USP24: variants seen among roughly 807,000 people sequenced by gnomAD.
USP24 encodes ubiquitin carboxyl-terminal hydrolase 24.
A neutral mutation model predicts 361.6 loss-of-function variants in USP24; 97 were observed. The ratio of observed to expected loss-of-function variants is 0.27; its 90% CI spans 0.23 to 0.32. The LOEUF is 0.32. Among genes scored for constraint, USP24 ranks in the 10% least tolerant of loss-of-function variants. The pLI, the probability that USP24 is intolerant of heterozygous loss-of-function variation, is 1.00. For synonymous variants in USP24, 1,098 were observed against 1,124.6 expected (o/e 0.98, Z 0.47); for missense variants, 2,353 against 3,165.6 (o/e 0.74, Z 6.16).
At chr1:55,110,141 C>T in intron 39 of USP24, 44 bp downstream of exon 39, 1 of 1,458,912 alleles carries the variant, frequency 6.9e-7, no homozygotes, top group Non-Finnish European at 9.3e-7. Flanking sequence ...TTCTCTTCTA[C>T]TCTTCCCCAG....
At chr1:55,201,600 C>CAAAA (rs56659823) in intron 1 of USP24, among the ~76,000 whole-genome samples, 9 of 35,460 alleles carry the variant, frequency 2.5e-4, no homozygotes, top group African/African-American at 4.9e-4. Context: ...GACTCCATCT[C>CAAAA]AAAAAAAAAA....
chr1:55,104,855 A>T (rs1283728102), intron 41 of USP24, among the ~76,000 whole-genome samples: 1 of 152,224 alleles, frequency 6.6e-6, no homozygotes, highest in Non-Finnish European at 1.5e-5. Context: ...CAGTAAGAAA[A>T]GAATAGGGAG....
intron 42 of USP24, 32 bp from the exon 43 acceptor site, chr1:55,101,735 A>C: frequency 6.4e-7 from 1 of 1,563,208 alleles, no homozygotes; most frequent in Non-Finnish European, 8.6e-7. Flanking sequence ...ACAGCAGAGG[A>C]GAAGAATGAG....
At chr1:55,209,636 T>TAA (rs1174466498) in intron 1 of USP24, among the ~76,000 whole-genome samples, 2 of 152,240 alleles carry the variant, frequency 1.3e-5, no homozygotes, top group Admixed American at 6.5e-5. Flanking sequence ...TATTTTTTGT[T>TAA]AAGTTTAAAC....
chr1:55,116,885 G>T (rs10157250), intron 38 of USP24, among the ~76,000 whole-genome samples: 7,214 of 152,056 alleles, frequency 0.047, 466 homozygotes, highest in African/African-American at 0.14. Context: ...GCCAGAAAAA[G>T]ACACCACAAG....
chr1:55,154,707 T>C lies in USP24; in HGVS notation c.1518A>G (p.Ser506=). The C allele has an allele frequency of 6.2e-7, 1 of 1,613,466 alleles. No homozygotes were observed. Residue 506 remains serine (S), a synonymous_variant, in exon 13 of 68, where the codon TCA becomes TCG. Transcript: ENST00000294383. The part of the protein sequence containing the change: ...IIAAAAVKFN[S]DQLNHLFVLI... The stretch of plus-strand genomic sequence containing the variant: ...GAACAAACAAATGATTAAGCTGATC[T>C]GAATTAAATTTCACAGCCGCTGCAG...
At chr1:55,214,559 T>C (rs1051734176) in intron 1 of USP24, among the ~76,000 whole-genome samples, 2 of 151,908 alleles carry the variant, frequency 1.3e-5, no homozygotes, top group African/African-American at 2.4e-5. Flanking sequence ...TGCGCATCCC[T>C]AATTCCCTTT....
intron 59 of USP24, among the ~76,000 whole-genome samples, chr1:55,080,367 T>A (rs1645125271): frequency 6.6e-6 from 1 of 152,216 alleles, no homozygotes; most frequent in South Asian, 2.1e-4. Flanking sequence ...ATCAGAAGGA[T>A]GCTCTGTGTT....
chr1:55,195,059 A>G lies in USP24; in HGVS notation c.325-16927T>C, dbSNP rs116716111. 3.7e-4 allele frequency among the ~76,000 whole-genome samples: 56 copies of G among 152,190 alleles called. 1 individual carries two copies. Among genetic ancestry groups the G allele is most frequent in the African/African-American group, 1.3e-3 (54 of 41,528 alleles). On this transcript the variant is annotated intron_variant, in intron 1 of 67. Transcript: ENST00000294383. ...AACGAAAACCCTAACCCCAACCCAA[A>G]CCAAAAAAAGGAAGCTCATCCCATC...
At chr1:55,185,111 AC>A (rs1377927516) in intron 1 of USP24, among the ~76,000 whole-genome samples, 2 of 151,540 alleles carry the variant, frequency 1.3e-5, no homozygotes, top group Non-Finnish European at 2.9e-5. Context: ...GCTGCATACC[AC>A]CATGCCTGAC....
At chr1:55,167,858 A>G (rs573072846) in intron 5 of USP24, among the ~76,000 whole-genome samples, 1 of 152,292 alleles carries the variant, frequency 6.6e-6, no homozygotes, top group African/African-American at 2.4e-5. Flanking sequence ...AAGGCTGGAG[A>G]GGCAAAATGA....
In USP24 at chr1:55,134,124, G is replaced by A. The variant is rs1372116013; in HGVS notation, c.3327C>T (p.Pro1109=). 1 of 1,613,634 alleles carries A rather than the reference G, an allele frequency of 6.2e-7. No homozygotes were observed. The highest frequency in any genetic ancestry group is 1.3e-5 in the African/African-American group (1 of 74,926). Residue 1109 remains proline (P), a synonymous_variant, in exon 30 of 68, where the codon CCC becomes CCT. Coordinates refer to ENST00000294383, the MANE Select transcript of USP24 (RefSeq NM_015306.3). The part of the protein sequence containing the change: ...LRVRKLLLLI[P]TDPAIQEALD... ...GGGCTTCCTGAATGGCTGGATCAGT[G>A]GGTATCAAGAGCAGAAGCTTCCGTA...
intron 1 of USP24, among the ~76,000 whole-genome samples, chr1:55,211,197 G>A (rs2100959275): frequency 6.6e-6 from 1 of 152,314 alleles, no homozygotes; most frequent in Non-Finnish European, 1.5e-5. Flanking sequence ...GAAGAATTCT[G>A]ACAGGGGGGT....
intron 20 of USP24, among the ~76,000 whole-genome samples, chr1:55,145,585 AC>A (rs1197918405): frequency 6.6e-6 from 1 of 152,214 alleles, no homozygotes; most frequent in Non-Finnish European, 1.5e-5. Flanking sequence ...AGTGAAGGTT[AC>A]ATAATTTTGT....
Position 55,096,480 on chromosome 1 carries a change from C to A in USP24, c.6061+18G>T. On this transcript the variant is annotated intron_variant, in intron 50 of 67. Coordinates refer to ENST00000294383, the MANE Select transcript of USP24 (RefSeq NM_015306.3). ...AAATAAAAAAACTAATGGAAAATAT[C>A]CATTTGTAAATACTTACTTTGATCA... The A allele has an allele frequency of 2.0e-6, 3 of 1,517,192 alleles. No homozygotes were observed. Among genetic ancestry groups the A allele is most frequent in the East Asian group, 2.4e-5 (1 of 42,222 alleles). 94.0% of individuals were successfully genotyped at this position (1,517,192 alleles called of 1,614,324 possible). A position where few individuals can be genotyped will look rare whatever the true frequency, so the allele number is the denominator to read the frequency against.
chr1:55,190,543 C>T (rs921572371), intron 1 of USP24, among the ~76,000 whole-genome samples: 1 of 152,182 alleles, frequency 6.6e-6, no homozygotes, highest in African/African-American at 2.4e-5. Flanking sequence ...ATGTATTGAG[C>T]TTTTAATAAG....
At position 55,097,624 on chromosome 1, in the gene USP24, A is replaced by G. The variant is rs780683240; in HGVS notation, c.5689T>C (p.Ser1897Pro). 1.3e-6 allele frequency: 2 copies of G among 1,576,082 alleles called. No homozygotes were observed. Among genetic ancestry groups the G allele is most frequent in the African/African-American group, 2.7e-5 (2 of 74,194 alleles). The part of the protein sequence containing the change: ...RFGFDWESGR[S>P]IKYDEQIRFP... ...CTTATTTGTTCATCATATTTAATGGAGCGTCCGCTTTCCCAGTCAAACCCA... is the reference window on the plus strand; with the variant it reads ...CTTATTTGTTCATCATATTTAATGGGGCGTCCGCTTTCCCAGTCAAACCCA... Residue 1897 changes from serine to proline, a missense_variant, in exon 48 of 68, where the codon TCC becomes CCC. Ser to Pro is a moderately conservative substitution (Grantham distance 74, BLOSUM62 -1). Coordinates refer to ENST00000294383, the MANE Select transcript of USP24 (RefSeq NM_015306.3).
chr1:55,078,481 C>A (rs1000200995), intron 61 of USP24, 57 bp downstream of exon 61: 3 of 1,420,646 alleles, frequency 2.1e-6, no homozygotes, highest in Admixed American at 2.1e-5. Flanking sequence ...AAAAGATGCT[C>A]TCCTAGAGTC....
Position 55,154,556 on chromosome 1 carries a change from C to T in USP24, c.1555-90G>A, listed in dbSNP as rs946899952. On this transcript the variant is annotated intron_variant, in intron 13 of 67. Transcript: ENST00000294383. ...AAACTTGAGCTAAAAACATTAACAACGTAAGAAAAGTACATTTAAATACTG... is the reference window on the plus strand; with the variant it reads ...AAACTTGAGCTAAAAACATTAACAATGTAAGAAAAGTACATTTAAATACTG... 44 of 1,479,720 alleles carry T rather than the reference C, an allele frequency of 3.0e-5. No individual in the cohort carries two copies. The South Asian group carries it at 3.1e-4, about 10-fold the overall frequency. 91.7% of individuals were successfully genotyped at this position (1,479,720 alleles called of 1,614,324 possible). A position where few individuals can be genotyped will look rare whatever the true frequency, so the allele number is the denominator to read the frequency against.
Sources: allele counts gnomAD v4.1 joint callset (sites outside exome capture counted in the v4.1 genomes callset), GRCh38; gene constraint gnomAD v4.1.1; transcripts MANE v1.5; gene names NCBI Gene and HGNC (gene_info 2026-07-23, HGNC 2026-07-21).